HGD: variants seen among roughly 807,000 people sequenced by gnomAD.
HGD encodes the protein homogentisate oxidase.
Under a neutral mutation model 60.8 loss-of-function variants are expected in HGD, and 61 were observed. The observed-to-expected ratio is 1.00, with a 90% CI of 0.82 to 1.24. The LOEUF is 1.24. HGD is among the 50% of genes most tolerant of loss of function. HGD has a pLI of 0.00. For synonymous variants in HGD, 212 were observed against 187.7 expected, an observed-to-expected ratio of 1.13 and a Z score of -1.06; for missense variants, 542 against 547.1, an observed-to-expected ratio of 0.99 and a Z score of 0.09.
At chr3:120,647,828 G>A (rs765704512) in intron 7 of HGD, 49 bp downstream of exon 7, 25 of 1,396,842 alleles carry the variant, frequency 1.8e-5, no homozygotes, top group East Asian at 4.6e-5. Flanking sequence ...AGCAGCTTGC[G>A]GTTAGGGGTC....
chr3:120,632,542 C>A (rs1940623324), intron 13 of HGD, among the ~76,000 whole-genome samples: 3 of 152,182 alleles, frequency 2.0e-5, no homozygotes, highest in Admixed American at 2.0e-4. Context: ...ATGCAAAAAA[C>A]AGCTGAGAAT....
chr3:120,644,256 G>A, intron 10 of HGD, 63 bp downstream of exon 10: 1 of 1,598,296 alleles, frequency 6.3e-7, no homozygotes, highest in South Asian at 1.1e-5. Context: ...ACTCGCCTTG[G>A]CAATCAGTAA....
Position 120,680,858 on chromosome 3 carries a change from CCAGTTCCAACTTCTCTCTGAAGACT to C in HGD, c.15+1214_15+1238del, listed in dbSNP as rs568832333. Among the ~76,000 whole-genome samples the C allele has an allele frequency of 7.1e-3, 1,083 of 152,296 alleles. 7 individuals carry two copies. Among genetic ancestry groups the C allele is most frequent in the African/African-American group, 0.024 (1,006 of 41,558 alleles). ...CCAGACCCCGTCCTTCCTCACTTTG[CCAGTTCCAACTTCTCTCTGAAGACT>C]CAGTTTAGGTACAGGCTCCTTTAGG... On this transcript the variant is annotated intron_variant, in intron 1 of 13. Transcript: ENST00000283871.
chr3:120,630,591 G>A (rs1305905914), intron 13 of HGD, among the ~76,000 whole-genome samples: 6 of 151,768 alleles, frequency 4.0e-5, no homozygotes, highest in African/African-American at 1.5e-4. Context: ...ATTTAAACTG[G>A]ACCGCTTCCA....
At chr3:120,652,541 A>G (rs1941374327) in intron 5 of HGD, 51 bp downstream of exon 5, 3 of 1,393,974 alleles carry the variant, frequency 2.2e-6, no homozygotes, top group East Asian at 4.6e-5. Flanking sequence ...TGGCTCACTC[A>G]CCACAGAAGA....
intron 4 of HGD, among the ~76,000 whole-genome samples, chr3:120,655,520 A>G (rs138332785): frequency 3.3e-5 from 5 of 152,344 alleles, no homozygotes; most frequent in South Asian, 4.1e-4. Context: ...ATCATGAAGG[A>G]TAAGAAAATC....
At chr3:120,647,790 A>G in intron 7 of HGD, 87 bp downstream of exon 7, 1 of 1,049,732 alleles carries the variant, frequency 9.5e-7, no homozygotes, top group Non-Finnish European at 1.5e-6. Context: ...TTGGAGAATG[A>G]AGGAAAATAA....
intron 3 of HGD, among the ~76,000 whole-genome samples, chr3:120,673,380 A>C (rs1708062050): frequency 3.9e-5 from 6 of 152,200 alleles, no homozygotes. Context: ...AGGCTGCAGA[A>C]TCCGGAGACC....
chr3:120,644,270 C>G (rs1398799789), intron 10 of HGD, 49 bp downstream of exon 10: 1 of 1,610,832 alleles, frequency 6.2e-7, no homozygotes. Context: ...TCAGTAAGTG[C>G]TCAATCACTC....
In HGD at chr3:120,637,087, G is replaced by A. The variant is rs557926274; in HGVS notation, c.1006+1368C>T. 1.2e-4 allele frequency among the ~76,000 whole-genome samples: 19 copies of A among 152,188 alleles called. 1 individual carries two copies. Among genetic ancestry groups the A allele is most frequent in the South Asian group, 1.0e-3 (5 of 4,810 alleles). On this transcript the variant is annotated intron_variant, in intron 12 of 13. Transcript: ENST00000283871. ...AATGTCAACCTCATTAAGTACAGCC[G>A]TGAAGTACTTTATTTATTCTTGTTG...
At chr3:120,664,697 C>T (rs2107539689) in intron 4 of HGD, among the ~76,000 whole-genome samples, 2 of 152,206 alleles carry the variant, frequency 1.3e-5, no homozygotes, top group South Asian at 4.1e-4. Context: ...TCCCAAAGTG[C>T]TGGGATTACA....
intron 13 of HGD, among the ~76,000 whole-genome samples, chr3:120,629,251 T>G (rs1049507163): frequency 6.6e-6 from 1 of 152,326 alleles, no homozygotes; most frequent in South Asian, 2.1e-4. Context: ...CTGACTTTTC[T>G]TATCCACTGT....
chr3:120,653,583 C>G (rs939912764), intron 4 of HGD, among the ~76,000 whole-genome samples: 2 of 152,158 alleles, frequency 1.3e-5, no homozygotes, highest in African/African-American at 4.8e-5. Context: ...ATTATTCTGC[C>G]TCTCTGACAC....
chr3:120,663,256 C>T (rs1707820250), intron 4 of HGD, among the ~76,000 whole-genome samples: 1 of 152,078 alleles, frequency 6.6e-6, no homozygotes, highest in Admixed American at 6.6e-5. Context: ...ACTTCCCCTT[C>T]TCTCAGAGGG....
At chr3:120,663,386 C>T (rs1707822748) in intron 4 of HGD, among the ~76,000 whole-genome samples, 2 of 152,120 alleles carry the variant, frequency 1.3e-5, no homozygotes, top group Non-Finnish European at 2.9e-5. Context: ...TACAGTTCCA[C>T]GTGGCTAGGA....
intron 11 of HGD, among the ~76,000 whole-genome samples, chr3:120,640,574 C>T (rs61799346): frequency 0.094 from 14,331 of 152,196 alleles, 732 homozygotes; most frequent in East Asian, 0.18. Context: ...CAGAGAAGAT[C>T]GCATCTGTGT....
At chr3:120,643,266 G>A (rs1159300906) in intron 10 of HGD, among the ~76,000 whole-genome samples, 1 of 152,168 alleles carries the variant, frequency 6.6e-6, no homozygotes, top group Non-Finnish European at 1.5e-5. Context: ...TAGGATTACA[G>A]GTGTGCACCA....
chr3:120,667,599 CTA>C, intron 4 of HGD, among the ~76,000 whole-genome samples: 1 of 151,844 alleles, frequency 6.6e-6, no homozygotes. Flanking sequence ...CCGAATAAAA[CTA>C]TGTAAAAGAA....
chr3:120,670,184 CTG>C, intron 4 of HGD: 1 of 536,244 alleles, frequency 1.9e-6, no homozygotes, highest in African/African-American at 1.9e-5. Context: ...CCATGCAGAA[CTG>C]TGAGTCAATT....
Sources: gnomAD v4.1 joint callset for allele counts (sites outside exome capture counted in the v4.1 genomes callset) on GRCh38, gnomAD v4.1.1 for gene constraint, MANE v1.5 for transcripts, NCBI Gene and HGNC (gene_info 2026-07-23, HGNC 2026-07-21) for gene names.